Variants in NRCAM observed in about 807,000 individuals in gnomAD.
The protein encoded by NRCAM is NgCAM-related cell adhesion molecule.
A neutral mutation model predicts 156.5 loss-of-function variants in NRCAM; 83 were observed. The observed-to-expected ratio is 0.53, with a 90% confidence interval of 0.44 to 0.64. The LOEUF is 0.64. Among genes scored for constraint, NRCAM ranks in the 30% least tolerant of loss-of-function variants. The pLI is 0.00. For missense variants in NRCAM, 1,417 were observed against 1,597.3 expected (o/e 0.89, Z 1.92); for synonymous variants, 538 against 563.9 (o/e 0.95, Z 0.65).
At chr7:108,299,129 A>AGAAAG (rs2098531682) in intron 3 of NRCAM, among the ~76,000 whole-genome samples, 1 of 109,874 alleles carries the variant, frequency 9.1e-6, no homozygotes, top group African/African-American at 3.4e-5. Context: ...AAAGAAAGAA[A>AGAAAG]GAAAGAAAGA....
At chr7:108,156,288 T>C (rs2045437909) in intron 32 of NRCAM, 4 of 985,196 alleles carry the variant, frequency 4.1e-6, no homozygotes, top group African/African-American at 1.7e-5. Context: ...ACCAATTATG[T>C]AGTAAGTTAT....
At chr7:108,338,184 C>T (rs1382428719) in intron 2 of NRCAM, among the ~76,000 whole-genome samples, 1 of 152,262 alleles carries the variant, frequency 6.6e-6, no homozygotes, top group Admixed American at 6.5e-5. Context: ...GAAGTCTCTA[C>T]TCAACAGTCA....
At position 108,231,114 on chromosome 7, in the gene NRCAM, G is replaced by GTGAT. The variant is rs1204366063; in HGVS notation, c.463_466dup (p.Thr156AsnfsTer29). Reference sequence around the variant, plus strand: ...TACTAAAGACTGACCACTTTGAAGTGTGATTGGTTCAAGTTTTTCTTTGGT... The same window carrying GTGAT: ...TACTAAAGACTGACCACTTTGAAGTGTGATTGATTGGTTCAAGTTTTTCTTTGGT... On this transcript the variant is annotated frameshift_variant, in exon 8 of 33. Coordinates refer to ENST00000379028, the MANE Select transcript of NRCAM (RefSeq NM_001037132.4). LOFTEE classifies it high-confidence loss of function. 6.2e-7 allele frequency: 1 copy of GTGAT among 1,606,830 alleles called. No homozygotes were observed. Among genetic ancestry groups the GTGAT allele is most frequent in the Non-Finnish European group, 8.5e-7 (1 of 1,176,808 alleles).
intron 1 of NRCAM, among the ~76,000 whole-genome samples, chr7:108,448,867 C>A (rs1247550913): frequency 2.0e-5 from 3 of 152,162 alleles, no homozygotes; most frequent in African/African-American, 7.2e-5. Flanking sequence ...ACAGATGTAT[C>A]TTGTTGCACA....
intron 3 of NRCAM, among the ~76,000 whole-genome samples, chr7:108,273,082 C>CT (rs1221194288): frequency 5.9e-5 from 9 of 152,046 alleles, no homozygotes; most frequent in Non-Finnish European, 1.2e-4. Flanking sequence ...TGAACTCATC[C>CT]TTTTTTATGG....
rs761794153 is a variant in NRCAM, at chr7:108,191,707, C to T, written c.1903+22G>A. 2.2e-5 allele frequency: 35 copies of T among 1,570,040 alleles called. 1 individual carries two copies. The South Asian group carries it at 2.4e-4, about 11-fold the overall frequency. On this transcript the variant is annotated intron_variant, in intron 18 of 32. Transcript: ENST00000379028. ...ACCAAATGCAGGGAAGCCAGTTGTG[C>T]TATTTTTGTTTTCGTTCTTACCAAC...
At chr7:108,356,998 C>T (rs1175627870) in intron 2 of NRCAM, among the ~76,000 whole-genome samples, 1 of 152,152 alleles carries the variant, frequency 6.6e-6, no homozygotes, top group African/African-American at 2.4e-5. Flanking sequence ...CTCTGCCATG[C>T]AAGGATACAA....
At chr7:108,429,880 G>C (rs1047279806) in intron 1 of NRCAM, among the ~76,000 whole-genome samples, 1 of 152,214 alleles carries the variant, frequency 6.6e-6, no homozygotes, top group Admixed American at 6.5e-5. Context: ...TAAGTGGTGA[G>C]GAGGTGAAAT....
At chr7:108,395,967 C>G (rs2099775677) in intron 2 of NRCAM, among the ~76,000 whole-genome samples, 1 of 152,308 alleles carries the variant, frequency 6.6e-6, no homozygotes, top group Middle Eastern at 3.4e-3. Flanking sequence ...CATCCCTGCT[C>G]ATACGGTTGT....
At chr7:108,266,947 C>CA (rs1205393537) in intron 3 of NRCAM, among the ~76,000 whole-genome samples, 1 of 152,148 alleles carries the variant, frequency 6.6e-6, no homozygotes, top group African/African-American at 2.4e-5. Flanking sequence ...GAGCAGAGGA[C>CA]AAAAAACTAC....
intron 2 of NRCAM, among the ~76,000 whole-genome samples, chr7:108,371,627 TA>T (rs2099629239): frequency 6.6e-6 from 1 of 152,160 alleles, no homozygotes; most frequent in African/African-American, 2.4e-5. Context: ...TCTCTAGGTG[TA>T]AGGCACTAGA....
At chr7:108,263,785 A>G (rs938717521) in intron 3 of NRCAM, among the ~76,000 whole-genome samples, 76 of 152,374 alleles carry the variant, frequency 5.0e-4, no homozygotes, top group African/African-American at 1.7e-3. Context: ...CACATGTTAG[A>G]CAGCTGAAAG....
chr7:108,439,611 T>C (rs1836223572), intron 1 of NRCAM, among the ~76,000 whole-genome samples: 1 of 151,876 alleles, frequency 6.6e-6, no homozygotes, highest in Non-Finnish European at 1.5e-5. Flanking sequence ...TCTCAGCACT[T>C]TGGGAGGCTG....
At chr7:108,273,153 G>A (rs1049632556) in intron 3 of NRCAM, among the ~76,000 whole-genome samples, 1 of 152,142 alleles carries the variant, frequency 6.6e-6, no homozygotes, top group African/African-American at 2.4e-5. Context: ...ATTATTGATG[G>A]GCATTTGGGT....
intron 4 of NRCAM, 140 bp from the exon 5 acceptor site, chr7:108,237,909 G>C (rs17155301): frequency 0.041 from 20,811 of 507,118 alleles, 630 homozygotes; most frequent in South Asian, 0.094. Context: ...CCTGTATAGT[G>C]AAGGTTGAAT....
intron 2 of NRCAM, among the ~76,000 whole-genome samples, chr7:108,335,504 C>T (rs1050598257): frequency 1.5e-5 from 2 of 130,448 alleles, no homozygotes; most frequent in Non-Finnish European, 3.1e-5. Context: ...TGGCTGCCAA[C>T]TAAGGGAGAG....
intron 2 of NRCAM, among the ~76,000 whole-genome samples, chr7:108,388,316 T>A (rs1480901414): frequency 6.6e-6 from 1 of 152,220 alleles, no homozygotes; most frequent in Non-Finnish European, 1.5e-5. Flanking sequence ...CCAGTGATGA[T>A]GAGCATTTTT....
chr7:108,411,981 A>G (rs1265332342), intron 1 of NRCAM, among the ~76,000 whole-genome samples: 1 of 152,210 alleles, frequency 6.6e-6, no homozygotes, highest in Non-Finnish European at 1.5e-5. Flanking sequence ...AAATATGTTT[A>G]TGTATACACA....
intron 28 of NRCAM, among the ~76,000 whole-genome samples, chr7:108,174,311 T>C (rs1278843154): frequency 1.3e-5 from 2 of 152,246 alleles, no homozygotes; most frequent in African/African-American, 4.8e-5. Flanking sequence ...AAGCTCTGAA[T>C]ATAAGCAAAT....
Sources: gnomAD v4.1 joint callset for allele counts (sites outside exome capture counted in the v4.1 genomes callset) on GRCh38, gnomAD v4.1.1 for gene constraint, MANE v1.5 for transcripts, NCBI Gene and HGNC (gene_info 2026-07-23, HGNC 2026-07-21) for gene names.